NAALADL2: variants seen among roughly 807,000 people sequenced by gnomAD.
NAALADL2 encodes the protein inactive N-acetylated-alpha-linked acidic dipeptidase-like protein 2.
NAALADL2 carries 76 observed loss-of-function variants against 87.2 expected under a neutral mutation model. The observed-to-expected ratio is 0.87, with a 90% CI of 0.72 to 1.05. NAALADL2 has a LOEUF of 1.05. NAALADL2 is among the 50% of genes least tolerant of loss of function. The pLI is 0.00. For missense variants in NAALADL2, 1,089 were observed against 945.8 expected (o/e 1.15, Z -1.99); for synonymous variants, 354 against 331.0 (o/e 1.07, Z -0.75).
intron 2 of NAALADL2, among the ~76,000 whole-genome samples, chr3:175,173,762 GA>G: frequency 6.6e-6 from 1 of 152,300 alleles, no homozygotes. Flanking sequence ...GTTTATTAGT[GA>G]AAGTTGCATC....
intron 1 of NAALADL2, among the ~76,000 whole-genome samples, chr3:175,047,749 T>A (rs925614663): frequency 2.0e-5 from 3 of 152,160 alleles, no homozygotes; most frequent in Admixed American, 2.0e-4. Flanking sequence ...GCTGACACAA[T>A]TTTATATTAT....
chr3:175,787,566 CG>C (rs1752216118), intron 13 of NAALADL2, among the ~76,000 whole-genome samples: 1 of 152,158 alleles, frequency 6.6e-6, no homozygotes, highest in Admixed American at 6.5e-5. Context: ...CGCCCTGCTT[CG>C]GCTCGCGCAC....
At chr3:174,651,591 A>G (rs192429659) in intron 2 of NAALADL2, among the ~76,000 whole-genome samples, 10 of 152,292 alleles carry the variant, frequency 6.6e-5, no homozygotes, top group African/African-American at 1.9e-4. Flanking sequence ...TTGAGAGGAA[A>G]TATCTGGGAC....
intron 2 of NAALADL2, among the ~76,000 whole-genome samples, chr3:174,612,045 G>A (rs537964458): frequency 6.6e-6 from 1 of 151,822 alleles, no homozygotes; most frequent in South Asian, 2.1e-4. Context: ...ATGTTTGAAA[G>A]ATATTTTCAC....
chr3:174,555,990 TGTGTGTGTGTGTGTGTGTGCGC>T (rs1014219239), intron 2 of NAALADL2, among the ~76,000 whole-genome samples: 3 of 136,436 alleles, frequency 2.2e-5, no homozygotes, highest in African/African-American at 8.7e-5. Flanking sequence ...TGTGTGTGTG[TGTGTGTGTGTGTGTGTGTGCGC>T]GCACGTGAGT....
At chr3:175,759,684 A>T (rs920799636) in intron 13 of NAALADL2, among the ~76,000 whole-genome samples, 2 of 152,178 alleles carry the variant, frequency 1.3e-5, no homozygotes, top group African/African-American at 4.8e-5. Context: ...AAAGTGAAAG[A>T]TGTATGTGGG....
intron 3 of NAALADL2, among the ~76,000 whole-genome samples, chr3:174,807,884 T>C (rs1415256291): frequency 6.9e-6 from 1 of 144,222 alleles, no homozygotes; most frequent in Non-Finnish European, 1.5e-5. Flanking sequence ...TGTGTGTGTG[T>C]GTGTGAGAGA....
intron 5 of NAALADL2, among the ~76,000 whole-genome samples, chr3:175,358,012 A>G (rs904015364): frequency 1.2e-4 from 19 of 152,326 alleles, no homozygotes; most frequent in Non-Finnish European, 2.9e-5. Context: ...AGCTTAGTTT[A>G]TGGAATTATC....
intron 4 of NAALADL2, among the ~76,000 whole-genome samples, chr3:175,303,242 C>T (rs1225504610): frequency 6.6e-6 from 1 of 152,084 alleles, no homozygotes; most frequent in Non-Finnish European, 1.5e-5. Flanking sequence ...GGATTAATAA[C>T]ACCTATCTTT....
chr3:175,414,234 T>C (rs1714170526), intron 5 of NAALADL2, among the ~76,000 whole-genome samples: 1 of 152,192 alleles, frequency 6.6e-6, no homozygotes, highest in African/African-American at 2.4e-5. Flanking sequence ...TTATTTGTGT[T>C]TCTTTGAGAA....
At chr3:175,794,344 G>T (rs1026440187) in intron 13 of NAALADL2, among the ~76,000 whole-genome samples, 1 of 150,476 alleles carries the variant, frequency 6.6e-6, no homozygotes, top group South Asian at 2.1e-4. Context: ...TGGTCGCGAT[G>T]AAATATAAAT....
chr3:175,246,726 A>G (rs566303190), intron 3 of NAALADL2, among the ~76,000 whole-genome samples: 1 of 152,198 alleles, frequency 6.6e-6, no homozygotes, highest in African/African-American at 2.4e-5. Flanking sequence ...TTCTGCTAAG[A>G]GTGGTTTTTC....
At chr3:175,137,747 C>T (rs1325567064) in intron 2 of NAALADL2, among the ~76,000 whole-genome samples, 3 of 148,018 alleles carry the variant, frequency 2.0e-5, no homozygotes, top group African/African-American at 5.0e-5. Flanking sequence ...TTACAGGCAC[C>T]GCCACCACAC....
chr3:175,569,823 T>TACACACACACAC lies in NAALADL2; in HGVS notation c.1654-6196_1654-6185dup, dbSNP rs34518577. On this transcript the variant is annotated intron_variant, in intron 9 of 13. Coordinates refer to ENST00000454872, the MANE Select transcript of NAALADL2 (RefSeq NM_207015.3). The stretch of plus-strand genomic sequence containing the variant: ...TCTTATAGCAGCCCAGACCAACTAA[T>TACACACACACAC]ACACACACACACACACACACACACA... Among the ~76,000 whole-genome samples the TACACACACACAC allele has an allele frequency of 4.9e-3, 724 of 147,498 alleles. 3 individuals are homozygous for TACACACACACAC. The highest frequency in any genetic ancestry group is 0.016 in the African/African-American group (649 of 39,916).
At chr3:175,509,113 T>C (rs540354160) in intron 9 of NAALADL2, among the ~76,000 whole-genome samples, 1 of 149,202 alleles carries the variant, frequency 6.7e-6, no homozygotes, top group Non-Finnish European at 1.5e-5. Flanking sequence ...CAAAACTCCG[T>C]GTCAAAAAAA....
chr3:175,511,203 C>A (rs755288651), intron 9 of NAALADL2, among the ~76,000 whole-genome samples: 4 of 152,164 alleles, frequency 2.6e-5, no homozygotes, highest in Non-Finnish European at 5.9e-5. Flanking sequence ...ATAATCTAGT[C>A]TCATGAAACT....
Position 175,363,412 on chromosome 3 carries a change from A to C in NAALADL2, c.1090+39087A>C, listed in dbSNP as rs779443629. Among the ~76,000 whole-genome samples, 7 of 147,732 alleles carry C rather than the reference A, an allele frequency of 4.7e-5. 2 individuals carry two copies. Among genetic ancestry groups the C allele is most frequent in the Non-Finnish European group, 1.1e-4 (7 of 66,436 alleles). Reference sequence around the variant, plus strand: ...TGCTAGACTTTCTATTTAAACATAAAATACCAAAAATATAACTGGAGACTT... The same window carrying C: ...TGCTAGACTTTCTATTTAAACATAACATACCAAAAATATAACTGGAGACTT... On this transcript the variant is annotated intron_variant, in intron 5 of 13. Transcript: ENST00000454872.
chr3:175,191,877 T>A (rs1200594800), intron 2 of NAALADL2, among the ~76,000 whole-genome samples: 5 of 152,266 alleles, frequency 3.3e-5, no homozygotes, highest in Non-Finnish European at 2.9e-5. Flanking sequence ...AATAATAGGT[T>A]TAAGAGTATC....
intron 5 of NAALADL2, among the ~76,000 whole-genome samples, chr3:175,367,764 A>G (rs186985008): frequency 1.6e-4 from 24 of 152,276 alleles, no homozygotes; most frequent in South Asian, 1.4e-3. Flanking sequence ...GGCTGAGACA[A>G]TGGGGTTTTC....
Sources: allele counts gnomAD v4.1 joint callset (sites outside exome capture counted in the v4.1 genomes callset), GRCh38; gene constraint gnomAD v4.1.1; transcripts MANE v1.5; gene names NCBI Gene and HGNC (gene_info 2026-07-23, HGNC 2026-07-21).